HOXA4: variants seen among roughly 807,000 people sequenced by gnomAD.
HOXA4 encodes homeobox A4.
HOXA4 carries 31 observed loss-of-function variants against 25.3 expected under a neutral mutation model. The ratio of observed to expected loss-of-function variants is 1.22; its 90% CI spans 0.92 to 1.65. The LOEUF (loss-of-function observed/expected upper bound fraction) is 1.65, where lower values mean the gene tolerates loss of function less well. HOXA4 is among the 40% of genes most tolerant of loss of function. HOXA4 has a pLI of 0.00. For synonymous variants in HOXA4, 225 were observed against 207.7 expected (o/e 1.08, Z -0.72); for missense variants, 459 against 446.0 (o/e 1.03, Z -0.26).
intron 1 of HOXA4, chr7:27,129,868 T>C (rs1785446983): frequency 1.6e-6 from 1 of 606,120 alleles, no homozygotes; most frequent in South Asian, 2.0e-5. Context: ...ATGGGGGCTA[T>C]AATTACTGCC....
intron 1 of HOXA4, 76 bp downstream of exon 1, chr7:27,130,042 T>TC: frequency 1.4e-6 from 2 of 1,479,414 alleles, no homozygotes; most frequent in Non-Finnish European, 1.8e-6. Flanking sequence ...CCTGAGCCTC[T>TC]CCCTCCTGAC....
chr7:27,130,003 T>A, intron 1 of HOXA4, 115 bp downstream of exon 1: 1 of 1,242,732 alleles, frequency 8.0e-7, no homozygotes, highest in Non-Finnish European at 1.1e-6. Context: ...CCGGGTCAGA[T>A]GGGGGCTCCC....
rs1261664747 is a variant in HOXA4 at position 27,130,342 on chromosome 7, T to A, written c.392A>T (p.His131Leu). The A allele has an allele frequency of 5.4e-6, 6 of 1,117,948 alleles. No individual in the cohort carries two copies. The highest frequency in any genetic ancestry group is 4.8e-5 in the East Asian group (1 of 21,042). 69.3% of individuals were successfully genotyped at this position (1,117,948 alleles called of 1,614,324 possible). A position where few individuals can be genotyped will look rare whatever the true frequency, so the allele number is the denominator to read the frequency against. The part of the protein sequence containing the change: ...AQAKGPAHGL[H>L]ASHVLQPQLP... ...CTGGGGCTGCAGGACGTGGCTCGCATGCAGGCCGTGCGCTGGGCCCTTGGC... is the reference window on the plus strand; with the variant it reads ...CTGGGGCTGCAGGACGTGGCTCGCAAGCAGGCCGTGCGCTGGGCCCTTGGC... Residue 131 changes from histidine (H) to leucine (L), a missense_variant, in exon 1 of 2, where the codon CAT becomes CTT. By Grantham distance (99) the His-to-Leu change is moderately conservative. Coordinates refer to ENST00000360046, the MANE Select transcript of HOXA4 (RefSeq NM_002141.5).
chr7:27,129,160 A>C lies in HOXA4; in HGVS notation c.*65T>G. On this transcript the variant is annotated 3_prime_UTR_variant, in exon 2 of 2. Transcript: ENST00000360046. ...CCAGATGGGGAGGGGTGGATGAGGA[A>C]CGGAGCAGGAGAAGAGAAGAGAAAA... 1.0e-6 allele frequency: 1 copy of C among 977,744 alleles called. No individual in the cohort carries two copies. Among genetic ancestry groups the C allele is most frequent in the Non-Finnish European group, 1.7e-6 (1 of 600,488 alleles). The allele number at this position is 977,744 out of a possible 1,614,324, so 60.6% of individuals were successfully genotyped here. A position where few individuals can be genotyped will look rare whatever the true frequency, so the allele number is the denominator to read the frequency against.
In HOXA4 at chr7:27,128,889, C is replaced by A; in HGVS notation, c.*336G>T. ...TTCAACAAAGATGCAAGTGTATGTC[C>A]CCACTCAGCATGGGCTGTCCAGCTA... is the stretch of plus-strand genomic sequence containing the variant. On this transcript the variant is annotated 3_prime_UTR_variant, in exon 2 of 2. Transcript: ENST00000360046. The A allele has an allele frequency of 2.9e-6, 1 of 350,852 alleles. No individual in the cohort carries two copies. The highest frequency in any genetic ancestry group is 5.3e-6 in the Non-Finnish European group (1 of 187,352). 21.7% of individuals were successfully genotyped at this position (350,852 alleles called of 1,614,324 possible).
At position 27,130,705 on chromosome 7, in the gene HOXA4, G is replaced by A. The variant is rs756347275; in HGVS notation, c.29C>T (p.Ser10Phe). The A allele has an allele frequency of 5.6e-6, 9 of 1,608,460 alleles. No individual in the cohort carries two copies. Among genetic ancestry groups the A allele is most frequent in the South Asian group, 2.2e-5 (2 of 90,470 alleles). The part of the protein sequence containing the change: MTMSSFLIN[S>F]NYIEPKFPPF... ...AGGGAACTTGGGCTCGATGTAGTTG[G>A]AGTTTATCAAAAACGAGCTCATGGT... The change falls in exon 1 of 2, where the codon TCC (serine) becomes TTC (phenylalanine). Residue 10 changes from serine (S) to phenylalanine (F), a missense_variant. By Grantham distance (155) the Ser-to-Phe change is radical (BLOSUM62 -2). Coordinates refer to ENST00000360046, the MANE Select transcript of HOXA4 (RefSeq NM_002141.5).
chr7:27,129,995 G>A (rs1583395925), intron 1 of HOXA4, 123 bp downstream of exon 1: 8 of 1,163,190 alleles, frequency 6.9e-6, no homozygotes, highest in South Asian at 5.5e-5. Context: ...ACCGCAGCCC[G>A]GGTCAGATGG....
rs766458575 is a variant in HOXA4, at chr7:27,129,584, A to C, written c.617-13T>G. The C allele has an allele frequency of 1.1e-4, 172 of 1,610,254 alleles. No homozygotes were observed. The highest frequency in any genetic ancestry group is 1.4e-4 in the Non-Finnish European group (164 of 1,179,982). Reference sequence around the variant, plus strand: ...TAACTGGGGTTAACTGAAAACCCAGAACCCCGAAATAGAAGGCCAAGGAGG... The same window carrying C: ...TAACTGGGGTTAACTGAAAACCCAGCACCCCGAAATAGAAGGCCAAGGAGG... On this transcript the variant is annotated splice_polypyrimidine_tract_variant and intron_variant, in intron 1 of 1. Coordinates refer to ENST00000360046, the MANE Select transcript of HOXA4 (RefSeq NM_002141.5).
chr7:27,129,476 G>A lies in HOXA4; in HGVS notation c.712C>T (p.Arg238Ter), dbSNP rs1461081214. The change falls in exon 2 of 2, where the codon CGA becomes TGA. Residue 238 changes from arginine to a stop codon, truncating the protein, a stop_gained. Transcript: ENST00000360046. LOFTEE classifies it high-confidence loss of function. ...ATGCGGCGCCGCCGGGTCAGGTATCGATTGAAGTGGAACTCCTTCTCCAGC... is the reference window on the plus strand; with the variant it reads ...ATGCGGCGCCGCCGGGTCAGGTATCAATTGAAGTGGAACTCCTTCTCCAGC... ...LELEKEFHFNRYLTRRRRIEI... is the reference protein window; with the variant it reads ...LELEKEFHFN 2.5e-6 allele frequency: 4 copies of A among 1,614,174 alleles called. No individual in the cohort carries two copies. The highest frequency in any genetic ancestry group is 3.4e-6 in the Non-Finnish European group (4 of 1,180,012).
At position 27,130,455 on chromosome 7, in the gene HOXA4, A is replaced by G. The variant is rs190762351; in HGVS notation, c.279T>C (p.His93=). Residue 93 remains histidine, a synonymous_variant, in exon 1 of 2, where the codon CAT becomes CAC. Coordinates refer to ENST00000360046, the MANE Select transcript of HOXA4 (RefSeq NM_002141.5). ...AGGGGTAGGCGGTGTCCGCGGCCCC[A>G]TGCGCGGGGTACAGCGCGGCAGCAG... ...AYPAAALYPA[H]GAADTAYPYG... 8.6e-4 allele frequency: 1,050 copies of G among 1,224,716 alleles called. 11 individuals are homozygous for G. The African/African-American group carries it at 0.015, about 17-fold the overall frequency. 75.9% of individuals were successfully genotyped at this position (1,224,716 alleles called of 1,614,324 possible).
intron 1 of HOXA4, chr7:27,129,896 C>A: frequency 1.6e-6 from 1 of 615,790 alleles, no homozygotes; most frequent in Non-Finnish European, 2.8e-6. Context: ...TTTGGCGTCT[C>A]GTAAATCTCC....
At position 27,128,659 on chromosome 7, in the gene HOXA4, C is replaced by CGG; in HGVS notation, c.*565_*566insCC. On this transcript the variant is annotated 3_prime_UTR_variant, in exon 2 of 2. Coordinates refer to ENST00000360046, the MANE Select transcript of HOXA4 (RefSeq NM_002141.5). Reference sequence around the variant, plus strand: ...GCCCCAGAAGGGGACAACAGTATCTCTGTAACAGTGTCTTAAATAAATGCA... The same window carrying CGG: ...GCCCCAGAAGGGGACAACAGTATCTCGGTGTAACAGTGTCTTAAATAAATGCA... 1.2e-5 allele frequency: 2 copies of CGG among 166,626 alleles called. No homozygotes were observed. Among genetic ancestry groups the CGG allele is most frequent in the South Asian group, 1.5e-4 (1 of 6,588 alleles). The allele number at this position is 166,626 out of a possible 1,614,324, so 10.3% of individuals were successfully genotyped here.
At position 27,129,104 on chromosome 7, in the gene HOXA4, A is replaced by G. The variant is rs111256830; in HGVS notation, c.*121T>C. Reference sequence around the variant, plus strand: ...CTTCTTTTTGATTATTCTTTTCACCAATTTGGGTTTGTTTTGGTGTCTATT... The same window carrying G: ...CTTCTTTTTGATTATTCTTTTCACCGATTTGGGTTTGTTTTGGTGTCTATT... On this transcript the variant is annotated 3_prime_UTR_variant, in exon 2 of 2. Coordinates refer to ENST00000360046, the MANE Select transcript of HOXA4 (RefSeq NM_002141.5). 152 of 741,692 alleles carry G rather than the reference A, an allele frequency of 2.0e-4. No individual in the cohort carries two copies. In the African/African-American group the frequency reaches 2.3e-3, roughly 11 times the overall value. 45.9% of individuals were successfully genotyped at this position (741,692 alleles called of 1,614,324 possible).
At chr7:27,129,867 A>G in intron 1 of HOXA4, 1 of 605,128 alleles carries the variant, frequency 1.7e-6, no homozygotes, top group Non-Finnish European at 2.9e-6. Context: ...TATGGGGGCT[A>G]TAATTACTGC....
rs1343476934 is a variant in HOXA4 at position 27,129,486 on chromosome 7, G to T, written c.702C>A (p.Phe234Leu). The change falls in exon 2 of 2, where the codon TTC becomes TTA. Residue 234 changes from phenylalanine (F) to leucine (L), a missense_variant. Coordinates refer to ENST00000360046, the MANE Select transcript of HOXA4 (RefSeq NM_002141.5). ...GCCGGGTCAGGTATCGATTGAAGTG[G>T]AACTCCTTCTCCAGCTCCAAGACCT... The part of the protein sequence containing the change: ...RQQVLELEKE[F>L]HFNRYLTRRR... 1.2e-6 allele frequency: 2 copies of T among 1,614,158 alleles called. No individual in the cohort carries two copies. Among genetic ancestry groups the T allele is most frequent in the South Asian group, 2.2e-5 (2 of 91,080 alleles).
rs1410188375 is a variant in HOXA4 at position 27,130,515 on chromosome 7, G to A, written c.219C>T (p.Tyr73=). 7.5e-7 allele frequency: 1 copy of A among 1,327,970 alleles called. No homozygotes were observed. Among genetic ancestry groups the A allele is most frequent in the South Asian group, 2.1e-5 (1 of 47,406 alleles). 82.3% of individuals were successfully genotyped at this position (1,327,970 alleles called of 1,614,324 possible). ...GCTCGCGGGCGGTCCGCGGCGCGTA[G>A]TAGGAGGCAGTGGGCTCTCGGCCGC... ...AGGGREPTAS[Y]YAPRTAREPA... The change falls in exon 1 of 2, where the codon TAC becomes TAT. Residue 73 remains tyrosine (Y), a synonymous_variant. Transcript: ENST00000360046.
In HOXA4 at chr7:27,130,137, C is replaced by T; in HGVS notation, c.597G>A (p.Lys199=). 6.2e-7 allele frequency: 1 copy of T among 1,603,632 alleles called. No individual in the cohort carries two copies. Among genetic ancestry groups the T allele is most frequent in the Non-Finnish European group, 8.5e-7 (1 of 1,177,604 alleles). Residue 199 remains lysine, a synonymous_variant, in exon 1 of 2, where the codon AAG becomes AAA. Transcript: ENST00000360046. The part of the protein sequence containing the change: ...GKEPVVYPWM[K]KIHVSAVNPS... ...ACGTACCGGCGCTGACATGGATCTT[C>T]TTCATCCAGGGGTACACCACGGGCT...
Position 27,130,277 on chromosome 7 carries a change from C to A in HOXA4, c.457G>T (p.Ala153Ser), listed in dbSNP as rs1333287423. Residue 153 changes from alanine to serine, a missense_variant, in exon 1 of 2, where the codon GCC becomes TCC. By Grantham distance (99) the Ala-to-Ser change is moderately conservative. Transcript: ENST00000360046. The part of the protein sequence containing the change: ...PLQPRAVPPA[A>S]PRRCEAAPAT... ...GGGGCCGCCTCGCAGCGCCGCGGGG[C>A]CGCTGGGGGCACGGCGCGAGGCTGC... The A allele has an allele frequency of 8.0e-6, 9 of 1,127,008 alleles. No individual in the cohort carries two copies. Among genetic ancestry groups the A allele is most frequent in the African/African-American group, 1.7e-5 (1 of 59,646 alleles). The allele number at this position is 1,127,008 out of a possible 1,614,324, so 69.8% of individuals were successfully genotyped here. A position where few individuals can be genotyped will look rare whatever the true frequency, so the allele number is the denominator to read the frequency against.
In HOXA4 at chr7:27,129,123, G is replaced by A. The variant is rs988428738; in HGVS notation, c.*102C>T. The A allele has an allele frequency of 2.8e-5, 22 of 798,422 alleles. No individual in the cohort carries two copies. The African/African-American group carries it at 3.6e-4, about 13-fold the overall frequency. 49.5% of individuals were successfully genotyped at this position (798,422 alleles called of 1,614,324 possible). On this transcript the variant is annotated 3_prime_UTR_variant, in exon 2 of 2. Transcript: ENST00000360046. ...TTCACCAATTTGGGTTTGTTTTGGT[G>A]TCTATTATGGTCCAGATGGGGAGGG...
Sources: gnomAD v4.1 joint callset for allele counts on GRCh38, gnomAD v4.1.1 for gene constraint, MANE v1.5 for transcripts, NCBI Gene and HGNC (gene_info 2026-07-23, HGNC 2026-07-21) for gene names.